KCNQ5: variants seen among roughly 807,000 people sequenced by gnomAD.
The protein encoded by KCNQ5 is potassium voltage-gated channel subfamily KQT member 5.
Under a neutral mutation model 98.2 loss-of-function variants are expected in KCNQ5, and 30 were observed. That is an observed-to-expected ratio of 0.31 (90% CI 0.23 to 0.41). The LOEUF (loss-of-function observed/expected upper bound fraction) is 0.41. KCNQ5 is among the 10% of genes least tolerant of loss of function. The pLI is 1.00. For missense variants in KCNQ5, 835 were observed against 1,182.5 expected (o/e 0.71, Z 4.31); for synonymous variants, 458 against 449.4 (o/e 1.02, Z -0.24).
At chr6:72,760,475 T>C (rs1772211920) in intron 1 of KCNQ5, among the ~76,000 whole-genome samples, 1 of 150,588 alleles carries the variant, frequency 6.6e-6, no homozygotes, top group African/African-American at 2.5e-5. Context: ...TGTGTGTGTG[T>C]GTGTGCACGT....
In KCNQ5 at chr6:72,709,581, A is replaced by G. The variant is rs192641587; in HGVS notation, c.398+86994A>G. Among the ~76,000 whole-genome samples the G allele has an allele frequency of 5.0e-3, 760 of 152,294 alleles. 6 individuals are homozygous for G. The highest frequency in any genetic ancestry group is 0.018 in the African/African-American group (731 of 41,560). On this transcript the variant is annotated intron_variant, in intron 1 of 13. Coordinates refer to ENST00000370398, the MANE Select transcript of KCNQ5 (RefSeq NM_019842.4). The stretch of plus-strand genomic sequence containing the variant: ...CTAGAAATGGCTACAACTTCTCTTC[A>G]TGTTCTGCAAATTGTTTCAAGATGT...
At chr6:72,869,593 A>G (rs952641227) in intron 1 of KCNQ5, among the ~76,000 whole-genome samples, 4 of 148,054 alleles carry the variant, frequency 2.7e-5, no homozygotes, top group African/African-American at 1.1e-4. Context: ...TTGTAAAGAC[A>G]GAACATTTTG....
intron 1 of KCNQ5, among the ~76,000 whole-genome samples, chr6:72,707,442 T>C (rs1219436914): frequency 6.6e-6 from 1 of 152,200 alleles, no homozygotes; most frequent in East Asian, 1.9e-4. Context: ...ATTTTAAAAA[T>C]GACGTTGTTA....
chr6:72,868,284 T>C (rs1053417281), intron 1 of KCNQ5, among the ~76,000 whole-genome samples: 10 of 152,228 alleles, frequency 6.6e-5, no homozygotes, highest in African/African-American at 9.6e-5. Context: ...GTGTGTGTTA[T>C]GTAGACTCTG....
rs1197225989 is a variant in KCNQ5, at chr6:73,194,901, G to A, written c.2286G>A (p.Arg762=). ...TCCCAGCCATCAAGCATCTGCCCAG[G>A]CCAGAAACTCTGCACCCTAACCCTG... ...PPLPAIKHLP[R]PETLHPNPAG... Residue 762 remains arginine (R), a synonymous_variant, in exon 14 of 14, where the codon AGG becomes AGA. Transcript: ENST00000370398. 1.2e-6 allele frequency: 2 copies of A among 1,614,098 alleles called. No homozygotes were observed. Among genetic ancestry groups the A allele is most frequent in the South Asian group, 2.2e-5 (2 of 91,078 alleles).
chr6:72,745,540 C>T (rs1286574912), intron 1 of KCNQ5, among the ~76,000 whole-genome samples: 2 of 152,292 alleles, frequency 1.3e-5, no homozygotes, highest in South Asian at 2.1e-4. Flanking sequence ...ATAATGCAGC[C>T]ATACTTTCCT....
At chr6:73,146,340 C>T (rs1034102436) in intron 10 of KCNQ5, among the ~76,000 whole-genome samples, 1 of 152,142 alleles carries the variant, frequency 6.6e-6, no homozygotes, top group Admixed American at 6.5e-5. Flanking sequence ...AACAGCAATT[C>T]ATCACCAGGC....
intron 1 of KCNQ5, among the ~76,000 whole-genome samples, chr6:72,897,849 A>C (rs2150190106): frequency 6.6e-6 from 1 of 152,096 alleles, no homozygotes; most frequent in African/African-American, 2.4e-5. Flanking sequence ...GAGTAAGTGA[A>C]CTCCCTAGAA....
intron 1 of KCNQ5, among the ~76,000 whole-genome samples, chr6:72,709,013 C>CT: frequency 6.6e-6 from 1 of 152,124 alleles, no homozygotes; most frequent in Non-Finnish European, 1.5e-5. Flanking sequence ...GTTACTTCTA[C>CT]TTTTTGACAA....
chr6:73,173,792 A>G (rs1287452174), intron 11 of KCNQ5, among the ~76,000 whole-genome samples: 1 of 149,866 alleles, frequency 6.7e-6, no homozygotes, highest in Non-Finnish European at 1.5e-5. Context: ...TCTAAAGGGA[A>G]AAAAAAAAAA....
chr6:72,928,535 A>T (rs924392367), intron 1 of KCNQ5, among the ~76,000 whole-genome samples: 4 of 152,188 alleles, frequency 2.6e-5, no homozygotes, highest in African/African-American at 9.6e-5. Context: ...ATTCACTTAA[A>T]TTACTTTTAG....
chr6:73,194,761 G>C lies in KCNQ5; in HGVS notation c.2146G>C (p.Val716Leu), dbSNP rs755051339. ...SPTMHSQATQ[V>L]PISQSDGSAV... is the part of the protein sequence containing the mutation. ...TACTATGCACAGTCAAGCAACACAG[G>C]TGCCAATTAGTCAAAGCGATGGCTC... is the stretch of plus-strand genomic sequence containing the variant. Residue 716 changes from valine to leucine, a missense_variant, in exon 14 of 14, where the codon GTG becomes CTG. Transcript: ENST00000370398. The C allele has an allele frequency of 1.9e-6, 3 of 1,614,216 alleles. No individual in the cohort carries two copies. Among genetic ancestry groups the C allele is most frequent in the Non-Finnish European group, 2.5e-6 (3 of 1,180,038 alleles).
chr6:72,699,658 A>G (rs542273929), intron 1 of KCNQ5, among the ~76,000 whole-genome samples: 1 of 152,214 alleles, frequency 6.6e-6, no homozygotes, highest in Non-Finnish European at 1.5e-5. Flanking sequence ...TAATTTGATG[A>G]TCTAAAGATT....
At chr6:72,777,250 G>C (rs1353153099) in intron 1 of KCNQ5, among the ~76,000 whole-genome samples, 1 of 152,208 alleles carries the variant, frequency 6.6e-6, no homozygotes, top group Non-Finnish European at 1.5e-5. Flanking sequence ...GATTCGAGAA[G>C]GACAAGACAT....
chr6:73,163,694 G>A (rs1451360248), intron 10 of KCNQ5, among the ~76,000 whole-genome samples: 1 of 152,226 alleles, frequency 6.6e-6, no homozygotes, highest in African/African-American at 2.4e-5. Context: ...GTTGCAGTGA[G>A]CCAAGATCGC....
chr6:73,033,754 A>C (rs1390375706), intron 2 of KCNQ5, among the ~76,000 whole-genome samples: 1 of 149,760 alleles, frequency 6.7e-6, no homozygotes, highest in Non-Finnish European at 1.5e-5. Flanking sequence ...AGCATCTACT[A>C]GCCAACTTAG....
intron 1 of KCNQ5, among the ~76,000 whole-genome samples, chr6:72,874,543 C>G (rs1778333016): frequency 6.6e-6 from 1 of 151,956 alleles, no homozygotes; most frequent in Non-Finnish European, 1.5e-5. Context: ...CCTATTATTC[C>G]TCAAATCCAA....
intron 1 of KCNQ5, among the ~76,000 whole-genome samples, chr6:72,789,269 G>A (rs1474931505): frequency 6.6e-6 from 1 of 152,130 alleles, no homozygotes; most frequent in African/African-American, 2.4e-5. Flanking sequence ...GGATTCTTGT[G>A]CCTCAGCCTC....
intron 1 of KCNQ5, among the ~76,000 whole-genome samples, chr6:72,661,848 A>G (rs916544973): frequency 1.3e-5 from 2 of 152,168 alleles, no homozygotes; most frequent in Non-Finnish European, 2.9e-5. Flanking sequence ...CATTTACAGC[A>G]TCTCATCAAT....
Sources: gnomAD v4.1 joint callset for allele counts (sites outside exome capture counted in the v4.1 genomes callset) on GRCh38, gnomAD v4.1.1 for gene constraint, MANE v1.5 for transcripts, NCBI Gene and HGNC (gene_info 2026-07-23, HGNC 2026-07-21) for gene names.